The following SLC7A2 variants were observed in gnomAD, a reference collection of about 807,000 sequenced individuals.
SLC7A2 encodes solute carrier family 7 member 2, also known as cationic amino acid transporter 2.
In SLC7A2, 48 loss-of-function variants were observed where a neutral mutation model predicts 58.9. The ratio of observed to expected loss-of-function variants is 0.82; its 90% CI spans 0.65 to 1.04. The LOEUF (loss-of-function observed/expected upper bound fraction) is 1.04. SLC7A2 is among the 50% of genes least tolerant of loss of function. SLC7A2 has a pLI of 0.00. For synonymous variants in SLC7A2, 363 were observed against 314.5 expected (o/e 1.15, Z -1.63); for missense variants, 1,029 against 818.8 (o/e 1.26, Z -3.13).
At chr8:17,520,508 GCA>G (rs1038416201) in intron 2 of SLC7A2, among the ~76,000 whole-genome samples, 88 of 151,730 alleles carry the variant, frequency 5.8e-4, no homozygotes, top group African/African-American at 2.1e-3. Context: ...GAGTGTGGTG[GCA>G]CACGTCTGTA....
At chr8:17,513,527 A>G (rs190165483) in intron 2 of SLC7A2, among the ~76,000 whole-genome samples, 3 of 152,242 alleles carry the variant, frequency 2.0e-5, no homozygotes, top group Admixed American at 2.0e-4. Context: ...AAAAGAGAAG[A>G]TTTTATTTTT....
In SLC7A2 at chr8:17,561,832, G is replaced by A. The variant is rs1803003993; in HGVS notation, c.1505-112G>A. 6.3e-6 allele frequency: 6 copies of A among 954,680 alleles called. No individual in the cohort carries two copies. In the South Asian group the frequency reaches 9.9e-5, roughly 16 times the overall value. The allele number at this position is 954,680 out of a possible 1,614,324, so 59.1% of individuals were successfully genotyped here. A position where few individuals can be genotyped will look rare whatever the true frequency, so the allele number is the denominator to read the frequency against. ...GCAAGGCGAAGACTCTTTGTATTTA[G>A]CCAAGTAGATGTGTACAGAAGTCAG... is the stretch of plus-strand genomic sequence containing the variant. On this transcript the variant is annotated intron_variant, in intron 10 of 12. Transcript: ENST00000494857.
rs143533566 is a variant in SLC7A2, at chr8:17,548,724, C to T, written c.579C>T (p.Val193=). 1 of 1,613,464 alleles carries T rather than the reference C, an allele frequency of 6.2e-7. No homozygotes were observed. Among genetic ancestry groups the T allele is most frequent in the Admixed American group, 1.7e-5 (1 of 59,990 alleles). The change falls in exon 5 of 13, where the codon GTC becomes GTT. Residue 193 remains valine (V), a synonymous_variant. Transcript: ENST00000494857. ...AAGAGTCTGCTTGGGTGAATAAAGTCTTCACAGCTGTTAATATTCTCGTCC... is the reference window on the plus strand; with the variant it reads ...AAGAGTCTGCTTGGGTGAATAAAGTTTTCACAGCTGTTAATATTCTCGTCC... ...GVKESAWVNK[V]FTAVNILVLL...
intron 2 of SLC7A2, among the ~76,000 whole-genome samples, chr8:17,537,341 C>T (rs1413398952): frequency 6.6e-6 from 1 of 152,154 alleles, no homozygotes; most frequent in African/African-American, 2.4e-5. Flanking sequence ...CATGAGCCAC[C>T]GTGCCCAGCC....
At chr8:17,536,594 C>T (rs1801677089) in intron 2 of SLC7A2, among the ~76,000 whole-genome samples, 2 of 152,002 alleles carry the variant, frequency 1.3e-5, no homozygotes, top group South Asian at 4.1e-4. Context: ...CTATTTTTTT[C>T]AAGGAGAGAG....
intron 4 of SLC7A2, among the ~76,000 whole-genome samples, chr8:17,547,649 T>A (rs1802235967): frequency 6.6e-6 from 1 of 152,218 alleles, no homozygotes; most frequent in Non-Finnish European, 1.5e-5. Context: ...ATTATGTCAG[T>A]GCTATTTATA....
At position 17,535,835 on chromosome 8, in the gene SLC7A2, G is replaced by A. The variant is rs149655790; in HGVS notation, c.-22-7483G>A. 5.5e-3 allele frequency among the ~76,000 whole-genome samples: 832 copies of A among 152,198 alleles called. 12 individuals are homozygous for A. Among genetic ancestry groups the A allele is most frequent in the African/African-American group, 0.019 (797 of 41,534 alleles). ...GGAGAATCGCTTGAACCCGGGAGGC[G>A]GAGGTGGCAGTGAGCCGAGATCATG... On this transcript the variant is annotated intron_variant, in intron 2 of 12. Transcript: ENST00000494857.
intron 9 of SLC7A2, among the ~76,000 whole-genome samples, chr8:17,559,440 C>G (rs866055609): frequency 6.6e-6 from 1 of 152,232 alleles, no homozygotes; most frequent in South Asian, 2.1e-4. Context: ...GTGGTGGGCA[C>G]CTGTTGTCCT....
chr8:17,498,278 G>GGCC (rs1800028091), intron 1 of SLC7A2, among the ~76,000 whole-genome samples: 2 of 152,024 alleles, frequency 1.3e-5, no homozygotes, highest in Non-Finnish European at 2.9e-5. Flanking sequence ...TCCCATCCAG[G>GGCC]GCCGCCTGGG....
At chr8:17,517,767 A>T (rs994014783) in intron 2 of SLC7A2, among the ~76,000 whole-genome samples, 1 of 152,098 alleles carries the variant, frequency 6.6e-6, no homozygotes, top group African/African-American at 2.4e-5. Context: ...TTTCAAATAT[A>T]TTTTTGGTAA....
intron 2 of SLC7A2, among the ~76,000 whole-genome samples, chr8:17,507,258 T>A (rs1335967870): frequency 1.3e-5 from 2 of 152,198 alleles, no homozygotes. Flanking sequence ...GTGGAATTTT[T>A]AAATTGGGGA....
At chr8:17,561,408 C>T (rs1563484466) in intron 10 of SLC7A2, among the ~76,000 whole-genome samples, 1 of 152,256 alleles carries the variant, frequency 6.6e-6, no homozygotes, top group East Asian at 1.9e-4. Flanking sequence ...TCTCGCTAGA[C>T]TTATTCACTG....
chr8:17,562,951 G>C (rs1476402693), intron 11 of SLC7A2, among the ~76,000 whole-genome samples: 1 of 151,996 alleles, frequency 6.6e-6, no homozygotes, highest in Non-Finnish European at 1.5e-5. Context: ...GTGTAGCCTG[G>C]GCAACATAGC....
chr8:17,551,806 T>C lies in SLC7A2; in HGVS notation c.875T>C (p.Ile292Thr), dbSNP rs916344448. Residue 292 changes from isoleucine to threonine, a missense_variant, in exon 7 of 13, where the codon ATT becomes ACT. Coordinates refer to ENST00000494857, the MANE Select transcript of SLC7A2 (RefSeq NM_001370338.1). Reference protein sequence around the residue: ...RNPQKAIPIGIVTSLLVCFMA... With the variant: ...RNPQKAIPIGTVTSLLVCFMA... ...CCCCAGAAAGCTATTCCCATTGGAA[T>C]TGTGACGTCTTTGCTTGTTTGCTTT... The C allele has an allele frequency of 6.2e-7, 1 of 1,613,924 alleles. No homozygotes were observed. Among genetic ancestry groups the C allele is most frequent in the Non-Finnish European group, 8.5e-7 (1 of 1,180,014 alleles).
Position 17,497,163 on chromosome 8 carries a change from C to G in SLC7A2, c.-143C>G, listed in dbSNP as rs1799984739. The G allele has an allele frequency of 6.6e-6, 1 of 151,730 alleles. No homozygotes were observed. The highest frequency in any genetic ancestry group is 1.5e-5 in the Non-Finnish European group (1 of 67,896). The allele number at this position is 151,730 out of a possible 1,614,324, so 9.4% of individuals were successfully genotyped here. A position where few individuals can be genotyped will look rare whatever the true frequency, so the allele number is the denominator to read the frequency against. ...GCGGCGGCCGCTGCTCCAGCGTCCCCCAGCCGCGGGCCCCCGACGCGCTGC... is the reference window on the plus strand; with the variant it reads ...GCGGCGGCCGCTGCTCCAGCGTCCCGCAGCCGCGGGCCCCCGACGCGCTGC... On this transcript the variant is annotated 5_prime_UTR_variant, in exon 1 of 13. Transcript: ENST00000494857.
At chr8:17,538,685 G>C in intron 2 of SLC7A2, 2 of 910,040 alleles carry the variant, frequency 2.2e-6, no homozygotes, top group Non-Finnish European at 3.3e-6. Flanking sequence ...CGTTGGGTTT[G>C]GACATTGCAA....
intron 2 of SLC7A2, among the ~76,000 whole-genome samples, chr8:17,526,471 A>C: frequency 6.6e-6 from 1 of 151,628 alleles, no homozygotes; most frequent in East Asian, 1.9e-4. Context: ...CTGAAGCCCG[A>C]GTTGGTGAGA....
chr8:17,513,387 A>G (rs770288871), intron 2 of SLC7A2, among the ~76,000 whole-genome samples: 4 of 151,972 alleles, frequency 2.6e-5, no homozygotes, highest in South Asian at 2.1e-4. Flanking sequence ...TTTTATAATT[A>G]TAAGTTTGCT....
In SLC7A2 at chr8:17,513,782, C is replaced by T. The variant is rs150763367; in HGVS notation, c.-23+11480C>T. On this transcript the variant is annotated intron_variant, in intron 2 of 12. Coordinates refer to ENST00000494857, the MANE Select transcript of SLC7A2 (RefSeq NM_001370338.1). ...AGGACATTTGACCAAGCAAAATTGA[C>T]TTTTTGTCCCACTTACAACAGCGCT... Among the ~76,000 whole-genome samples, 97 of 152,232 alleles carry T rather than the reference C, an allele frequency of 6.4e-4. 2 individuals carry two copies. The East Asian group carries it at 0.017, about 27-fold the overall frequency.
Sources: allele counts gnomAD v4.1 joint callset (sites outside exome capture counted in the v4.1 genomes callset), GRCh38; gene constraint gnomAD v4.1.1; transcripts MANE v1.5; gene names NCBI Gene and HGNC (gene_info 2026-07-23, HGNC 2026-07-21).